SHLD1: variants seen among roughly 807,000 people sequenced by gnomAD.
SHLD1 encodes shieldin complex subunit 1, also known as RINN1-REV7-interacting novel NHEJ regulator 3.
A neutral mutation model predicts 5.5 loss-of-function variants in SHLD1; 3 were observed. That is an observed-to-expected ratio of 0.54 (90% CI 0.25 to 1.40). The LOEUF (loss-of-function observed/expected upper bound fraction) is 1.40. Ranked by LOEUF, SHLD1 falls within the 40% of genes most tolerant of loss-of-function variation. The pLI, the probability that SHLD1 is intolerant of heterozygous loss-of-function variation, is 0.15. For missense variants in SHLD1, 210 were observed against 244.4 expected (o/e 0.86, Z 0.94); for synonymous variants, 92 against 94.3 (o/e 0.98, Z 0.14).
At chr20:5,815,490 C>T (rs763837511) in intron 2 of SHLD1, among the ~76,000 whole-genome samples, 13 of 152,198 alleles carry the variant, frequency 8.5e-5, no homozygotes, top group Non-Finnish European at 1.8e-4. Flanking sequence ...CAGCCTCTGG[C>T]CTGTGGACCA....
At chr20:5,852,335 G>A (rs1466924513) in intron 2 of SHLD1, among the ~76,000 whole-genome samples, 2 of 152,128 alleles carry the variant, frequency 1.3e-5, no homozygotes, top group Non-Finnish European at 2.9e-5. Context: ...ATGGCTAGTG[G>A]CTGACTGCTG....
chr20:5,852,059 T>C (rs1216638402), intron 2 of SHLD1, among the ~76,000 whole-genome samples: 1 of 152,046 alleles, frequency 6.6e-6, no homozygotes, highest in Non-Finnish European at 1.5e-5. Context: ...CTGCTCCAGC[T>C]TCACCTTCCA....
chr20:5,776,791 G>A lies in SHLD1; in HGVS notation c.178+3748G>A, dbSNP rs11906497. 5.4e-3 allele frequency among the ~76,000 whole-genome samples: 821 copies of A among 151,540 alleles called. 7 individuals are homozygous for A. Among genetic ancestry groups the A allele is most frequent in the African/African-American group, 0.019 (777 of 41,306 alleles). On this transcript the variant is annotated intron_variant, in intron 2 of 2. Coordinates refer to ENST00000303142, the MANE Select transcript of SHLD1 (RefSeq NM_152504.4). The stretch of plus-strand genomic sequence containing the variant: ...AATAATAATAATAATAAATAAGTAA[G>A]CATAAAAAAAAAGCATTCACATTGG...
intron 2 of SHLD1, among the ~76,000 whole-genome samples, chr20:5,832,254 A>T (rs237083): frequency 0.42 from 63,101 of 152,012 alleles, 15,026 homozygotes; most frequent in African/African-American, 0.65. Flanking sequence ...CTTCATTTCT[A>T]GAGAATAATG....
At chr20:5,793,035 CT>C (rs2087164373) in intron 2 of SHLD1, among the ~76,000 whole-genome samples, 1 of 152,140 alleles carries the variant, frequency 6.6e-6, no homozygotes, top group African/African-American at 2.4e-5. Context: ...TTGGAGAGAC[CT>C]TCTTTTCCCT....
At position 5,806,405 on chromosome 20, in the gene SHLD1, C is replaced by G. The variant is rs549006237; in HGVS notation, c.178+33362C>G. Among the ~76,000 whole-genome samples the G allele has an allele frequency of 1.4e-4, 22 of 152,324 alleles. No homozygotes were observed. The highest frequency in any genetic ancestry group is 5.1e-4 in the African/African-American group (21 of 41,566). On this transcript the variant is annotated intron_variant, in intron 2 of 2. Transcript: ENST00000303142. This position sits in a 1 kb window ranked among gnomAD's most constrained non-coding sequence, Gnocchi z 7.6. ...CCGTCCCTCTATCACTTACCCCATC[C>G]TTTGTGATGGTTTTGAAGCACTGAT... is the stretch of plus-strand genomic sequence containing the variant.
At chr20:5,812,264 T>C (rs1180248088) in intron 2 of SHLD1, among the ~76,000 whole-genome samples, 4 of 152,114 alleles carry the variant, frequency 2.6e-5, no homozygotes, top group Non-Finnish European at 5.9e-5. Context: ...TAGTCCCTAG[T>C]GTTTTTTTCT....
intron 2 of SHLD1, among the ~76,000 whole-genome samples, chr20:5,846,444 A>T (rs2087933778): frequency 1.3e-5 from 2 of 152,246 alleles, no homozygotes; most frequent in Admixed American, 1.3e-4. Context: ...GTCGTAATCA[A>T]AATAGCAATG....
chr20:5,750,931 A>G (rs1032323705), intron 1 of SHLD1, among the ~76,000 whole-genome samples: 7 of 152,266 alleles, frequency 4.6e-5, no homozygotes, highest in Non-Finnish European at 1.0e-4. Flanking sequence ...CCGGAGTTCC[A>G]GGCTGCAGTG....
chr20:5,829,760 T>G (rs954484023), intron 2 of SHLD1, among the ~76,000 whole-genome samples: 3 of 152,240 alleles, frequency 2.0e-5, no homozygotes, highest in African/African-American at 7.2e-5. Flanking sequence ...TTTGATTTAT[T>G]TTGAAGTTAA....
At chr20:5,847,247 T>C (rs1174699842) in intron 2 of SHLD1, among the ~76,000 whole-genome samples, 1 of 152,224 alleles carries the variant, frequency 6.6e-6, no homozygotes. Flanking sequence ...TTTTCTCATC[T>C]GGAAAATAAG....
intron 1 of SHLD1, chr20:5,756,773 TC>T (rs373986273): frequency 1.2e-3 from 351 of 288,832 alleles, no homozygotes; most frequent in African/African-American, 7.5e-3. Context: ...CACTGCAACC[TC>T]CGTCTTCCAT....
At chr20:5,836,201 G>A (rs1380604888) in intron 2 of SHLD1, among the ~76,000 whole-genome samples, 1 of 151,534 alleles carries the variant, frequency 6.6e-6, no homozygotes, top group Non-Finnish European at 1.5e-5. Context: ...AGTCTCTAGT[G>A]TAAATGTTTA....
At chr20:5,785,457 A>G (rs1250931033) in intron 2 of SHLD1, among the ~76,000 whole-genome samples, 2 of 152,194 alleles carry the variant, frequency 1.3e-5, no homozygotes, top group Admixed American at 6.6e-5. Flanking sequence ...GCAGACCTTT[A>G]AAGAAATGCA....
intron 1 of SHLD1, among the ~76,000 whole-genome samples, chr20:5,769,255 C>T (rs1299538776): frequency 6.6e-6 from 1 of 152,202 alleles, no homozygotes; most frequent in Non-Finnish European, 1.5e-5. Flanking sequence ...TGTGGTATTT[C>T]ATTGAGAGAG....
chr20:5,763,860 G>A (rs1403681056), intron 1 of SHLD1, among the ~76,000 whole-genome samples: 2 of 148,170 alleles, frequency 1.3e-5, no homozygotes, highest in African/African-American at 5.0e-5. Context: ...TGTAATCCCA[G>A]CACTTTGAGA....
At chr20:5,755,885 T>C (rs1984064283) in intron 1 of SHLD1, among the ~76,000 whole-genome samples, 1 of 152,078 alleles carries the variant, frequency 6.6e-6, no homozygotes, top group African/African-American at 2.4e-5. Context: ...AGCATGCAAA[T>C]GTCCCCTCAA....
intron 1 of SHLD1, among the ~76,000 whole-genome samples, chr20:5,760,716 G>A (rs1295404063): frequency 6.6e-6 from 1 of 151,740 alleles, no homozygotes; most frequent in African/African-American, 2.4e-5. Flanking sequence ...AAACAACAAG[G>A]TGATTATGAA....
At chr20:5,799,160 A>G (rs964102151) in intron 2 of SHLD1, among the ~76,000 whole-genome samples, 1 of 151,540 alleles carries the variant, frequency 6.6e-6, no homozygotes, top group African/African-American at 2.4e-5. Flanking sequence ...TCGTGATTGC[A>G]CCACTGCACT....
Sources: gnomAD v4.1 joint callset for allele counts (sites outside exome capture counted in the v4.1 genomes callset) on GRCh38, gnomAD v4.1.1 for gene constraint, Gnocchi (gnomAD v3.1) non-coding constraint, MANE v1.5 for transcripts, NCBI Gene and HGNC (gene_info 2026-07-23, HGNC 2026-07-21) for gene names.